HTRA1: variants seen among roughly 807,000 people sequenced by gnomAD.
The protein encoded by HTRA1 is HtrA serine peptidase 1.
Under a neutral mutation model 49.7 loss-of-function variants are expected in HTRA1, and 26 were observed. The observed-to-expected ratio is 0.52, with a 90% CI of 0.38 to 0.73. HTRA1 has a LOEUF of 0.73. Ranked by LOEUF, HTRA1 falls within the 30% of genes least tolerant of loss-of-function variation. The pLI, the probability that HTRA1 is intolerant of heterozygous loss-of-function variation, is 0.00. For synonymous variants in HTRA1, 291 were observed against 286.9 expected, an observed-to-expected ratio of 1.01 and a Z score of -0.14; for missense variants, 561 against 667.2, an observed-to-expected ratio of 0.84 and a Z score of 1.75.
chr10:122,484,571 T>G (rs2097492326), intron 1 of HTRA1, among the ~76,000 whole-genome samples: 1 of 152,258 alleles, frequency 6.6e-6, no homozygotes, highest in African/African-American at 2.4e-5. Context: ...TGAGCAGCAC[T>G]GTGGCCAGTC....
At chr10:122,513,411 A>G (rs927299615) in intron 8 of HTRA1, among the ~76,000 whole-genome samples, 4 of 152,112 alleles carry the variant, frequency 2.6e-5, no homozygotes, top group African/African-American at 7.2e-5. Context: ...CTTTGGGGTC[A>G]ATCTTGACCT....
At chr10:122,481,510 G>A (rs1807338302) in intron 1 of HTRA1, among the ~76,000 whole-genome samples, 1 of 152,214 alleles carries the variant, frequency 6.6e-6, no homozygotes, top group Admixed American at 6.5e-5. Flanking sequence ...TCACAGGGCA[G>A]ATGGAGGGCT....
At chr10:122,510,928 A>G (rs1402648434) in intron 7 of HTRA1, among the ~76,000 whole-genome samples, 1 of 152,084 alleles carries the variant, frequency 6.6e-6, no homozygotes, top group Admixed American at 6.5e-5. Context: ...AGATGGAGCC[A>G]TTTGTCAAGG....
chr10:122,472,738 A>G (rs2097486706), intron 1 of HTRA1, among the ~76,000 whole-genome samples: 1 of 152,102 alleles, frequency 6.6e-6, no homozygotes, highest in African/African-American at 2.4e-5. Flanking sequence ...CGTTTGGTTA[A>G]CTGTTCCCCT....
At chr10:122,493,565 G>GA in intron 3 of HTRA1, among the ~76,000 whole-genome samples, 1 of 152,278 alleles carries the variant, frequency 6.6e-6, no homozygotes, top group Middle Eastern at 3.4e-3. Flanking sequence ...AGTAAAAAGA[G>GA]AGCAGTTTGG....
In HTRA1 at chr10:122,508,745, G is replaced by A. The variant is rs752097769; in HGVS notation, c.1095G>A (p.Thr365=). 24 of 1,612,596 alleles carry A rather than the reference G, an allele frequency of 1.5e-5. 1 individual carries two copies. Among genetic ancestry groups the A allele is most frequent in the Middle Eastern group, 3.3e-4 (2 of 6,056 alleles). The change falls in exon 6 of 9, where the codon ACG becomes ACA. Residue 365 remains threonine (T), a synonymous_variant. Coordinates refer to ENST00000368984, the MANE Select transcript of HTRA1 (RefSeq NM_002775.5). The stretch of plus-strand genomic sequence containing the variant: ...CTGATAAGATTAAAAAGTTCCTCAC[G>A]GAGTCCCATGACCGACAGGCCAAAG... ...IPSDKIKKFL[T]ESHDRQAKGK... is the part of the protein sequence containing the mutation.
Position 122,512,053 on chromosome 10 carries a change from C to A in HTRA1, c.1262C>A (p.Thr421Asn), listed in dbSNP as rs1213891950. The part of the protein sequence containing the change: ...GAYIIEVIPD[T>N]PAEAGGLKEN... Reference sequence around the variant, plus strand: ...TATATAATTGAAGTAATTCCTGATACCCCAGCAGAAGCGTGAGTTGGAGTC... The same window carrying A: ...TATATAATTGAAGTAATTCCTGATAACCCAGCAGAAGCGTGAGTTGGAGTC... The change falls in exon 8 of 9, where the codon ACC becomes AAC. Residue 421 changes from threonine to asparagine, a missense_variant. Physicochemically the swap from Thr to Asn is moderately conservative, Grantham distance 65 (BLOSUM62 0). Around this residue, in one of 3 missense-constraint regions of HTRA1, gnomAD observed 179 missense variants for 173.4 expected, o/e 1.03. Transcript: ENST00000368984. The A allele has an allele frequency of 3.1e-6, 5 of 1,609,024 alleles. No homozygotes were observed. The highest frequency in any genetic ancestry group is 4.5e-5 in the East Asian group (2 of 44,840).
intron 1 of HTRA1, among the ~76,000 whole-genome samples, chr10:122,463,990 C>T (rs1042108034): frequency 5.3e-5 from 8 of 152,286 alleles, no homozygotes; most frequent in African/African-American, 1.9e-4. Flanking sequence ...GGCTGTGCCC[C>T]GTGCCCTGTG....
intron 3 of HTRA1, among the ~76,000 whole-genome samples, chr10:122,502,633 G>A (rs1316369057): frequency 6.6e-6 from 1 of 152,190 alleles, no homozygotes. Flanking sequence ...CAGGCTGGGG[G>A]CCAGTGGGCG....
chr10:122,466,589 C>G (rs1285740023), intron 1 of HTRA1, among the ~76,000 whole-genome samples: 1 of 152,148 alleles, frequency 6.6e-6, no homozygotes, highest in Non-Finnish European at 1.5e-5. Flanking sequence ...AAGTCACTGC[C>G]CACAGGTAAC....
chr10:122,462,378 G>A lies in HTRA1; in HGVS notation c.472+254G>A, dbSNP rs956864172. On this transcript the variant is annotated intron_variant, in intron 1 of 8. Transcript: ENST00000368984. ...GCCCGGCCTGCACTCTGGGGCTCGAGACGCCGGGCGACCGGCCATGGAGTG... is the reference window on the plus strand; with the variant it reads ...GCCCGGCCTGCACTCTGGGGCTCGAAACGCCGGGCGACCGGCCATGGAGTG... 2.0e-5 allele frequency among the ~76,000 whole-genome samples: 3 copies of A among 152,254 alleles called. No individual in the cohort carries two copies. In the East Asian group the frequency reaches 5.8e-4, roughly 29 times the overall value.
intron 1 of HTRA1, among the ~76,000 whole-genome samples, chr10:122,471,019 C>T (rs906169377): frequency 2.6e-5 from 4 of 152,076 alleles, no homozygotes; most frequent in African/African-American, 9.7e-5. Flanking sequence ...CATCAGCATC[C>T]CAATCATTAT....
Position 122,461,590 on chromosome 10 carries a change from C to T in HTRA1, c.-63C>T. ...TGCCCCCGAGGCCCTCCTGCACTCT[C>T]CCCGGCGCCGCTCTCCGGCCCTCGC... On this transcript the variant is annotated 5_prime_UTR_variant, in exon 1 of 9. Transcript: ENST00000368984. The T allele has an allele frequency of 9.1e-7, 1 of 1,102,742 alleles. No individual in the cohort carries two copies. The highest frequency in any genetic ancestry group is 1.2e-6 in the Non-Finnish European group (1 of 835,540). The allele number at this position is 1,102,742 out of a possible 1,614,324, so 68.3% of individuals were successfully genotyped here. A position where few individuals can be genotyped will look rare whatever the true frequency, so the allele number is the denominator to read the frequency against.
At chr10:122,496,258 T>G (rs913287840) in intron 3 of HTRA1, among the ~76,000 whole-genome samples, 3 of 132,574 alleles carry the variant, frequency 2.3e-5, no homozygotes, top group African/African-American at 5.5e-5. Context: ...TTTTTTTTTT[T>G]TGCAGAGATG....
At chr10:122,467,869 A>G (rs1277365278) in intron 1 of HTRA1, among the ~76,000 whole-genome samples, 2 of 152,132 alleles carry the variant, frequency 1.3e-5, no homozygotes, top group African/African-American at 4.8e-5. Context: ...TGGAAGTGGC[A>G]TGGAAGTTAC....
At chr10:122,513,365 C>A (rs1456931050) in intron 8 of HTRA1, among the ~76,000 whole-genome samples, 2 of 152,116 alleles carry the variant, frequency 1.3e-5, no homozygotes, top group Non-Finnish European at 1.5e-5. Context: ...ATCTGGCCAA[C>A]TACGTGGCAG....
Position 122,490,776 on chromosome 10 carries a change from C to T in HTRA1, c.777+1150C>T, listed in dbSNP as rs1257061608. On this transcript the variant is annotated intron_variant, in intron 3 of 8. Coordinates refer to ENST00000368984, the MANE Select transcript of HTRA1 (RefSeq NM_002775.5). The surrounding 1 kb of genome is among the most constrained non-coding windows in gnomAD (Gnocchi z 4.2). The stretch of plus-strand genomic sequence containing the variant: ...TGGTTACACCTCCTTCTGGAAACAA[C>T]TCTGCGTGTGCTGTTTGGGTGGTAG... Among the ~76,000 whole-genome samples, 1 of 152,224 alleles carries T rather than the reference C, an allele frequency of 6.6e-6. No homozygotes were observed. Among genetic ancestry groups the T allele is most frequent in the Admixed American group, 6.5e-5 (1 of 15,282 alleles).
intron 1 of HTRA1, among the ~76,000 whole-genome samples, chr10:122,473,773 T>C: frequency 6.6e-6 from 1 of 152,214 alleles, no homozygotes. Context: ...AACCACCGGT[T>C]CATTTTCTAT....
chr10:122,489,302 C>T, intron 2 of HTRA1, 120 bp from the exon 3 acceptor site: 1 of 992,800 alleles, frequency 1.0e-6, no homozygotes, highest in Non-Finnish European at 1.6e-6. Context: ...AATGCTAAGC[C>T]CGATATATAA....
Sources: allele counts gnomAD v4.1 joint callset (sites outside exome capture counted in the v4.1 genomes callset), GRCh38; gene constraint gnomAD v4.1.1; regional missense constraint gnomAD v4.1.1; non-coding constraint Gnocchi (gnomAD v3.1); transcripts MANE v1.5; gene names NCBI Gene and HGNC (gene_info 2026-07-23, HGNC 2026-07-21).